Variants in PTPRD observed in about 807,000 individuals in gnomAD.
PTPRD encodes the protein protein tyrosine phosphatase receptor type D.
A neutral mutation model predicts 214.5 loss-of-function variants in PTPRD; 34 were observed. That is an observed-to-expected ratio of 0.16 (90% CI 0.12 to 0.21). The LOEUF is 0.21. PTPRD is among the 10% of genes least tolerant of loss of function. PTPRD has a pLI of 1.00. For synonymous variants in PTPRD, 1,128 were observed against 845.7 expected, an observed-to-expected ratio of 1.33 and a Z score of -5.79; for missense variants, 2,545 against 2,398.7, an observed-to-expected ratio of 1.06 and a Z score of -1.27.
Position 9,935,580 on chromosome 9 carries a change from T to C in PTPRD, c.-368+2927A>G, listed in dbSNP as rs1163591448. On this transcript the variant is annotated intron_variant, in intron 5 of 45. Transcript: ENST00000381196. The stretch of plus-strand genomic sequence containing the variant: ...CAATGCTCAAGGAAATAAAAGAGGA[T>C]ACAAACAAATGGAAGAACATTCCAT... Among the ~76,000 whole-genome samples the C allele has an allele frequency of 4.6e-5, 7 of 151,538 alleles. No homozygotes were observed. The South Asian group carries it at 1.2e-3, about 27-fold the overall frequency.
chr9:8,947,723 G>C (rs961663836), intron 11 of PTPRD, among the ~76,000 whole-genome samples: 2 of 151,922 alleles, frequency 1.3e-5, no homozygotes, highest in Non-Finnish European at 2.9e-5. Flanking sequence ...ATTCATTTTT[G>C]GTTTGCTTTA....
At chr9:8,826,885 A>C (rs1031209949) in intron 11 of PTPRD, among the ~76,000 whole-genome samples, 2 of 152,024 alleles carry the variant, frequency 1.3e-5, no homozygotes, top group African/African-American at 4.8e-5. Flanking sequence ...GGTTCTCATC[A>C]TATCTTTAAA....
At chr9:9,699,741 T>C (rs907282058) in intron 7 of PTPRD, among the ~76,000 whole-genome samples, 6 of 152,154 alleles carry the variant, frequency 3.9e-5, no homozygotes, top group African/African-American at 1.4e-4. Flanking sequence ...GTTTTAGTAG[T>C]TGAAAATTAT....
At chr9:9,012,030 G>T (rs141614724) in intron 11 of PTPRD, among the ~76,000 whole-genome samples, 1 of 152,166 alleles carries the variant, frequency 6.6e-6, no homozygotes, top group Non-Finnish European at 1.5e-5. Context: ...AATAGGAAGT[G>T]TCCCTTTCCC....
chr9:9,203,583 C>T (rs2099943142), intron 9 of PTPRD, among the ~76,000 whole-genome samples: 1 of 152,110 alleles, frequency 6.6e-6, no homozygotes, highest in Non-Finnish European at 1.5e-5. Context: ...GTTCTTATTG[C>T]ATCTTTTCAG....
chr9:10,543,207 A>G (rs1196748403), intron 2 of PTPRD, among the ~76,000 whole-genome samples: 1 of 152,092 alleles, frequency 6.6e-6, no homozygotes, highest in East Asian at 1.9e-4. Flanking sequence ...TTTTTAACTA[A>G]CATGATAAAG....
At chr9:9,147,329 G>T (rs565153526) in intron 10 of PTPRD, among the ~76,000 whole-genome samples, 2 of 151,724 alleles carry the variant, frequency 1.3e-5, no homozygotes, top group Non-Finnish European at 2.9e-5. Flanking sequence ...CCTGGGGTGG[G>T]GGAGGGGATT....
intron 10 of PTPRD, among the ~76,000 whole-genome samples, chr9:9,043,904 AAAAATAAAATAAAATAAAAT>A (rs34743506): frequency 0.14 from 19,630 of 137,268 alleles, 1,713 homozygotes; most frequent in African/African-American, 0.25. Context: ...ACCCTGTCTC[AAAAATAAAATAAAATAAAAT>A]AAAATAAAAT....
intron 11 of PTPRD, among the ~76,000 whole-genome samples, chr9:8,944,329 G>A (rs1166613312): frequency 6.6e-6 from 1 of 151,988 alleles, no homozygotes; most frequent in African/African-American, 2.4e-5. Context: ...TACTCACTAG[G>A]GACAACAGTA....
intron 8 of PTPRD, among the ~76,000 whole-genome samples, chr9:9,556,080 A>G (rs1443638337): frequency 5.3e-5 from 8 of 152,178 alleles, no homozygotes; most frequent in Non-Finnish European, 1.2e-4. Flanking sequence ...AACTATGAAT[A>G]ACCTATTATT....
chr9:8,743,831 A>G (rs2154448328), intron 11 of PTPRD, among the ~76,000 whole-genome samples: 1 of 150,530 alleles, frequency 6.6e-6, no homozygotes, highest in Admixed American at 6.6e-5. Context: ...TAATAATAAT[A>G]TCAACAGAGT....
chr9:9,358,399 C>A (rs1015994165), intron 9 of PTPRD, among the ~76,000 whole-genome samples: 1 of 151,050 alleles, frequency 6.6e-6, no homozygotes, highest in Admixed American at 6.6e-5. Flanking sequence ...AAAGAATATA[C>A]CAGGTATCTT....
intron 11 of PTPRD, among the ~76,000 whole-genome samples, chr9:8,796,647 G>A (rs2096433842): frequency 6.6e-6 from 1 of 152,058 alleles, no homozygotes; most frequent in African/African-American, 2.4e-5. Flanking sequence ...ATCATCATGT[G>A]CCTGATAATC....
At chr9:10,244,255 A>G (rs760569665) in intron 3 of PTPRD, among the ~76,000 whole-genome samples, 2 of 152,022 alleles carry the variant, frequency 1.3e-5, no homozygotes, top group African/African-American at 2.4e-5. Flanking sequence ...TTATCTCTTC[A>G]TTGTGCTCTA....
intron 30 of PTPRD, among the ~76,000 whole-genome samples, chr9:8,472,147 C>T (rs895771060): frequency 2.0e-5 from 3 of 152,110 alleles, no homozygotes; most frequent in East Asian, 1.9e-4. Flanking sequence ...AGTAATGGGA[C>T]GCAAAGCTAC....
intron 8 of PTPRD, among the ~76,000 whole-genome samples, chr9:9,462,575 T>G (rs141193484): frequency 1.2e-4 from 18 of 152,272 alleles, no homozygotes; most frequent in African/African-American, 4.1e-4. Flanking sequence ...AATCCAACAA[T>G]AAAAACCATG....
At chr9:9,182,718 T>C (rs572485375) in intron 10 of PTPRD, among the ~76,000 whole-genome samples, 2 of 152,140 alleles carry the variant, frequency 1.3e-5, no homozygotes, top group South Asian at 4.1e-4. Context: ...GAAACAAAGC[T>C]GTGTTAATAG....
At chr9:8,641,919 T>C (rs1042951707) in intron 12 of PTPRD, among the ~76,000 whole-genome samples, 4 of 152,182 alleles carry the variant, frequency 2.6e-5, no homozygotes, top group Non-Finnish European at 1.5e-5. Context: ...TGTGCACTTA[T>C]AGCTATTAAA....
intron 10 of PTPRD, among the ~76,000 whole-genome samples, chr9:9,133,716 G>A (rs1003451857): frequency 6.6e-6 from 1 of 152,198 alleles, no homozygotes; most frequent in Admixed American, 6.5e-5. Context: ...TGGCCACTGA[G>A]TCTGTAAGGA....
Sources: allele counts gnomAD v4.1 joint callset (sites outside exome capture counted in the v4.1 genomes callset), GRCh38; gene constraint gnomAD v4.1.1; transcripts MANE v1.5; gene names NCBI Gene and HGNC (gene_info 2026-07-23, HGNC 2026-07-21).